Variants in KDM4B observed in about 807,000 individuals in gnomAD.
The protein encoded by KDM4B is lysine demethylase 4B, also known as lysine-specific demethylase 4B.
A neutral mutation model predicts 125.2 loss-of-function variants in KDM4B; 32 were observed. That is an observed-to-expected ratio of 0.26 (90% CI 0.19 to 0.34). The LOEUF is 0.34. Ranked by LOEUF, KDM4B falls within the 10% of genes least tolerant of loss-of-function variation. The pLI is 1.00. For missense variants in KDM4B, 1,190 were observed against 1,577.7 expected, an observed-to-expected ratio of 0.75 and a Z score of 4.16; for synonymous variants, 721 against 677.9, an observed-to-expected ratio of 1.06 and a Z score of -0.99.
intron 6 of KDM4B, among the ~76,000 whole-genome samples, chr19:5,054,499 T>A (rs710956): frequency 6.6e-6 from 1 of 151,726 alleles, no homozygotes; most frequent in African/African-American, 2.4e-5. Context: ...TGCGCGCGCA[T>A]GCACATGCGT....
chr19:4,978,482 G>A (rs1356996149), intron 1 of KDM4B, among the ~76,000 whole-genome samples: 1 of 112,448 alleles, frequency 8.9e-6, no homozygotes, highest in African/African-American at 3.5e-5. Context: ...ACTCCAGCCT[G>A]CACAATGGAG....
chr19:4,982,591 TTCTCTC>T (rs551213682), intron 1 of KDM4B, among the ~76,000 whole-genome samples: 13 of 147,530 alleles, frequency 8.8e-5, no homozygotes, highest in Middle Eastern at 7.0e-3. Flanking sequence ...AAAAGTGATG[TTCTCTC>T]TCTCTCTCTC....
intron 5 of KDM4B, among the ~76,000 whole-genome samples, chr19:5,043,630 G>T (rs1438440206): frequency 6.7e-6 from 1 of 149,322 alleles, no homozygotes; most frequent in Non-Finnish European, 1.5e-5. Context: ...ATCAGAGTGG[G>T]GTGTCCACCA....
At chr19:5,017,949 C>T (rs2035945081) in intron 2 of KDM4B, among the ~76,000 whole-genome samples, 1 of 152,094 alleles carries the variant, frequency 6.6e-6, no homozygotes, top group South Asian at 2.1e-4. Flanking sequence ...ACCGTGTTAG[C>T]CAGGATGGTC....
At chr19:5,048,929 G>A (rs576364633) in intron 6 of KDM4B, among the ~76,000 whole-genome samples, 13 of 152,224 alleles carry the variant, frequency 8.5e-5, no homozygotes, top group Non-Finnish European at 1.6e-4. Context: ...TGGGAGGTGG[G>A]GGACCAGCCA....
chr19:5,104,247 T>C (rs2038993518), intron 9 of KDM4B, among the ~76,000 whole-genome samples: 1 of 152,160 alleles, frequency 6.6e-6, no homozygotes, highest in Non-Finnish European at 1.5e-5. Flanking sequence ...CCCTTTCTGC[T>C]CCCGGGTCCC....
At chr19:5,091,370 C>G (rs2038700019) in intron 9 of KDM4B, among the ~76,000 whole-genome samples, 3 of 152,200 alleles carry the variant, frequency 2.0e-5, no homozygotes, top group African/African-American at 7.2e-5. Context: ...GTGAGGCCTG[C>G]TGTGTGCCAG....
At chr19:5,146,871 G>A (rs929981493) in intron 21 of KDM4B, among the ~76,000 whole-genome samples, 12 of 142,810 alleles carry the variant, frequency 8.4e-5, no homozygotes, top group African/African-American at 2.9e-4. Flanking sequence ...AACCCAGGAG[G>A]TCGAGGATGC....
chr19:5,150,968 T>C (rs914655707), intron 22 of KDM4B, among the ~76,000 whole-genome samples: 1 of 152,226 alleles, frequency 6.6e-6, no homozygotes, highest in Non-Finnish European at 1.5e-5. Flanking sequence ...TTTATTCTCT[T>C]TCTAATCGAG....
chr19:5,136,750 G>T (rs1348859471), intron 15 of KDM4B, among the ~76,000 whole-genome samples: 1 of 152,218 alleles, frequency 6.6e-6, no homozygotes, highest in Non-Finnish European at 1.5e-5. Flanking sequence ...ACTGGGGGCA[G>T]TGATCCCCAG....
rs547124205 is a variant in KDM4B, at chr19:5,125,499, G to A, written c.1316-5577G>A. On this transcript the variant is annotated intron_variant, in intron 11 of 22. Coordinates refer to ENST00000159111, the MANE Select transcript of KDM4B (RefSeq NM_015015.3). ...CCAATGGCTCGTCCAGCTGCCTGGC[G>A]TAGGTGAGGCCCTGGCCTGGTCACT... Among the ~76,000 whole-genome samples, 6 of 152,346 alleles carry A rather than the reference G, an allele frequency of 3.9e-5. No individual in the cohort carries two copies. The South Asian group carries it at 1.0e-3, about 26-fold the overall frequency.
chr19:5,025,102 TTG>T (rs1371885703), intron 2 of KDM4B, among the ~76,000 whole-genome samples: 1 of 152,226 alleles, frequency 6.6e-6, no homozygotes, highest in Non-Finnish European at 1.5e-5. Context: ...CCTTTTTTTG[TTG>T]TTAGAGATTT....
intron 2 of KDM4B, among the ~76,000 whole-genome samples, chr19:5,032,041 G>A (rs2036476748): frequency 6.6e-6 from 1 of 152,228 alleles, no homozygotes. Context: ...ACCTGCCAAG[G>A]AGGACCCTTC....
At chr19:5,030,091 G>GC (rs2036404375) in intron 2 of KDM4B, among the ~76,000 whole-genome samples, 1 of 152,168 alleles carries the variant, frequency 6.6e-6, no homozygotes, top group African/African-American at 2.4e-5. Context: ...GGTGTGGGGA[G>GC]CCCCCCTTTT....
At chr19:5,002,673 A>G (rs565806587) in intron 1 of KDM4B, among the ~76,000 whole-genome samples, 1 of 150,390 alleles carries the variant, frequency 6.6e-6, no homozygotes, top group East Asian at 2.1e-4. Flanking sequence ...ATTAAAAAAA[A>G]TAGTTAGCTG....
chr19:5,028,915 T>G (rs775823164), intron 2 of KDM4B, among the ~76,000 whole-genome samples: 13 of 152,094 alleles, frequency 8.5e-5, no homozygotes, highest in Non-Finnish European at 1.6e-4. Context: ...TTTTTGCTGG[T>G]TTTTTAGACA....
intron 11 of KDM4B, among the ~76,000 whole-genome samples, chr19:5,123,015 A>ATC (rs2039388664): frequency 1.3e-5 from 2 of 152,242 alleles, no homozygotes; most frequent in Non-Finnish European, 2.9e-5. Context: ...CGTTTCCTGG[A>ATC]GAGACCCCCT....
chr19:5,110,080 A>G (rs568525364), intron 9 of KDM4B, among the ~76,000 whole-genome samples: 4 of 152,144 alleles, frequency 2.6e-5, no homozygotes, highest in African/African-American at 9.6e-5. Context: ...CCCAGCCCCC[A>G]TTTCTCTTGG....
Position 5,131,436 on chromosome 19 carries a change from C to A in KDM4B, c.1676C>A (p.Pro559Gln). 6.2e-7 allele frequency: 1 copy of A among 1,609,826 alleles called. No individual in the cohort carries two copies. Among genetic ancestry groups the A allele is most frequent in the Non-Finnish European group, 8.5e-7 (1 of 1,179,432 alleles). Residue 559 changes from proline to glutamine, a missense_variant, in exon 12 of 23, where the codon CCG becomes CAG. This residue lies in a region of KDM4B where 428 missense variants were observed against 405.1 expected (regional missense o/e 1.06). Transcript: ENST00000159111. ...TTTGAGCACTTTGCCCAGAAGGGTC[C>A]GACCTGGAAGGAACCAGTTTCCCCC... is the stretch of plus-strand genomic sequence containing the variant. ...QAFEHFAQKG[P>Q]TWKEPVSPME...
Sources: gnomAD v4.1 joint callset for allele counts (sites outside exome capture counted in the v4.1 genomes callset) on GRCh38, gnomAD v4.1.1 for gene constraint, gnomAD v4.1.1 regional missense constraint, MANE v1.5 for transcripts, NCBI Gene and HGNC (gene_info 2026-07-23, HGNC 2026-07-21) for gene names.